The following RTN3 variants were observed in gnomAD, a reference collection of about 807,000 sequenced individuals.
The protein encoded by RTN3 is reticulon-3.
Under a neutral mutation model 77.8 loss-of-function variants are expected in RTN3, and 49 were observed. The observed-to-expected ratio is 0.63, with a 90% CI of 0.50 to 0.80. RTN3 has a LOEUF of 0.80. Ranked by LOEUF, RTN3 falls within the 30% of genes least tolerant of loss-of-function variation. RTN3 has a pLI of 0.00. For missense variants in RTN3, 1,236 were observed against 1,211.9 expected, an observed-to-expected ratio of 1.02 and a Z score of -0.29; for synonymous variants, 464 against 446.9, an observed-to-expected ratio of 1.04 and a Z score of -0.48.
intron 1 of RTN3, among the ~76,000 whole-genome samples, chr11:63,689,376 G>A (rs1483406664): frequency 1.3e-5 from 2 of 152,292 alleles, no homozygotes; most frequent in Admixed American, 6.5e-5. Flanking sequence ...ATAGGGTATG[G>A]TGTTGATGTT....
At position 63,683,673 on chromosome 11, in the gene RTN3, G is replaced by A. The variant is rs1941184997; in HGVS notation, c.142+1895G>A. Among the ~76,000 whole-genome samples the A allele has an allele frequency of 2.0e-5, 3 of 152,110 alleles. No homozygotes were observed. The East Asian group carries it at 5.8e-4, about 29-fold the overall frequency. The stretch of plus-strand genomic sequence containing the variant: ...CACAACCTAATTGGCACCTAAATTG[G>A]CAATACGAATTTAATGACATAACAT... On this transcript the variant is annotated intron_variant, in intron 1 of 8. Coordinates refer to ENST00000377819, the MANE Select transcript of RTN3 (RefSeq NM_001265589.2).
chr11:63,755,379 C>T (rs1452897800), intron 7 of RTN3, among the ~76,000 whole-genome samples: 1 of 152,052 alleles, frequency 6.6e-6, no homozygotes, highest in Admixed American at 6.6e-5. Context: ...GGTGTGGTGG[C>T]TCATGTCTGT....
chr11:63,741,798 G>C (rs753181870), intron 3 of RTN3, among the ~76,000 whole-genome samples: 1 of 152,086 alleles, frequency 6.6e-6, no homozygotes, highest in Non-Finnish European at 1.5e-5. Flanking sequence ...ACTGCGCCTG[G>C]CCTGAAATAA....
At chr11:63,709,497 G>A (rs1309430805) in intron 2 of RTN3, among the ~76,000 whole-genome samples, 1 of 151,906 alleles carries the variant, frequency 6.6e-6, no homozygotes, top group African/African-American at 2.4e-5. Context: ...GACTAATGCA[G>A]TAGGCATCTG....
chr11:63,733,114 A>G (rs556080379), intron 3 of RTN3, among the ~76,000 whole-genome samples: 21 of 152,008 alleles, frequency 1.4e-4, no homozygotes, highest in East Asian at 3.9e-4. Flanking sequence ...CAAGAGTTCA[A>G]AACCAGCCTG....
chr11:63,711,627 C>T (rs774322963), intron 2 of RTN3, among the ~76,000 whole-genome samples: 18 of 152,072 alleles, frequency 1.2e-4, no homozygotes, highest in Non-Finnish European at 1.8e-4. Context: ...TGCAATGGCG[C>T]GATCTCAGCT....
intron 3 of RTN3, among the ~76,000 whole-genome samples, chr11:63,736,701 T>C (rs932776081): frequency 1.3e-5 from 2 of 152,142 alleles, no homozygotes; most frequent in African/African-American, 4.8e-5. Context: ...TTTTAAAAAA[T>C]AAGTATCCAA....
intron 3 of RTN3, 85 bp downstream of exon 3, chr11:63,721,117 T>C: frequency 1.6e-6 from 2 of 1,214,258 alleles, no homozygotes; most frequent in African/African-American, 1.5e-5. Context: ...GTCTGATTTA[T>C]ACCTACAAAA....
Position 63,681,635 on chromosome 11 carries a change from C to G in RTN3, c.-2C>G, listed in dbSNP as rs1216864281. The stretch of plus-strand genomic sequence containing the variant: ...CCTTCTCCCACCCTCGCTCGCGTAG[C>G]CATGGCGGAGCCGTCGGCGGCCACT... On this transcript the variant is annotated 5_prime_UTR_variant, in exon 1 of 9. Coordinates refer to ENST00000377819, the MANE Select transcript of RTN3 (RefSeq NM_001265589.2). 3 of 1,588,642 alleles carry G rather than the reference C, an allele frequency of 1.9e-6. No individual in the cohort carries two copies. In the East Asian group the frequency reaches 6.9e-5, roughly 36 times the overall value.
At chr11:63,713,828 A>G in intron 2 of RTN3, 1 of 315,076 alleles carries the variant, frequency 3.2e-6, no homozygotes, top group Non-Finnish European at 6.4e-6. Flanking sequence ...TGAAGGGATG[A>G]ATCTTTTGAG....
At chr11:63,742,138 C>A (rs1342229172) in intron 3 of RTN3, among the ~76,000 whole-genome samples, 1 of 151,466 alleles carries the variant, frequency 6.6e-6, no homozygotes, top group Non-Finnish European at 1.5e-5. Flanking sequence ...TGCCACCACA[C>A]CCGGCTAATT....
At chr11:63,750,455 CT>C (rs200090732) in intron 4 of RTN3, 32,008 of 292,366 alleles carry the variant, frequency 0.11, 3 homozygotes, top group South Asian at 0.17. Flanking sequence ...ACTCTAAATT[CT>C]TTTTTTTTTT....
chr11:63,737,986 C>T (rs1228234034), intron 3 of RTN3, among the ~76,000 whole-genome samples: 1 of 152,166 alleles, frequency 6.6e-6, no homozygotes, highest in Non-Finnish European at 1.5e-5. Context: ...AGAGCAGAGT[C>T]TTAACCCATT....
Position 63,718,965 on chromosome 11 carries a change from C to G in RTN3, c.463C>G (p.Arg155Gly). The G allele has an allele frequency of 6.2e-7, 1 of 1,614,162 alleles. No individual in the cohort carries two copies. Among genetic ancestry groups the G allele is most frequent in the Non-Finnish European group, 8.5e-7 (1 of 1,180,040 alleles). The part of the protein sequence containing the change: ...VSLAAGVHCD[R>G]PSIPASFPEH... Reference sequence around the variant, plus strand: ...TCTTGCAGCAGGAGTTCATTGTGACCGTCCTTCTATTCCAGCCAGTTTCCC... The same window carrying G: ...TCTTGCAGCAGGAGTTCATTGTGACGGTCCTTCTATTCCAGCCAGTTTCCC... Residue 155 changes from arginine (R) to glycine (G), a missense_variant, in exon 3 of 9, where the codon CGT becomes GGT. Physicochemically the swap from Arg to Gly is moderately radical, Grantham distance 125 (BLOSUM62 -2). Transcript: ENST00000377819.
intron 2 of RTN3, 51 bp downstream of exon 2, chr11:63,704,958 A>AG: frequency 7.2e-7 from 1 of 1,388,580 alleles, no homozygotes; most frequent in East Asian, 2.3e-5. Flanking sequence ...ATGTTGAGAA[A>AG]GAGGCTGTAA....
intron 8 of RTN3, 106 bp from the exon 9 acceptor site, chr11:63,758,050 C>A: frequency 2.5e-6 from 2 of 787,578 alleles, no homozygotes; most frequent in Non-Finnish European, 2.0e-6. Context: ...TTTCACATTG[C>A]TTATGCAAGT....
intron 3 of RTN3, among the ~76,000 whole-genome samples, chr11:63,741,167 T>G (rs2013443520): frequency 6.6e-6 from 1 of 151,986 alleles, no homozygotes; most frequent in Non-Finnish European, 1.5e-5. Flanking sequence ...AGGGGTGAAA[T>G]AATCTTTATT....
At chr11:63,748,764 T>C (rs1590886036) in intron 3 of RTN3, among the ~76,000 whole-genome samples, 2 of 148,440 alleles carry the variant, frequency 1.3e-5, no homozygotes, top group South Asian at 4.3e-4. Flanking sequence ...GCTTCCCGGG[T>C]TCAAGCGATT....
chr11:63,737,719 C>G (rs1409255050), intron 3 of RTN3, among the ~76,000 whole-genome samples: 1 of 152,164 alleles, frequency 6.6e-6, no homozygotes, highest in African/African-American at 2.4e-5. Context: ...ATTTTGTTTT[C>G]TGTTTTATAA....
Sources: allele counts gnomAD v4.1 joint callset (sites outside exome capture counted in the v4.1 genomes callset), GRCh38; gene constraint gnomAD v4.1.1; transcripts MANE v1.5; gene names NCBI Gene and HGNC (gene_info 2026-07-23, HGNC 2026-07-21).